Variants in PLD5 observed in about 807,000 individuals in gnomAD.
PLD5 encodes phospholipase D family member 5.
In PLD5, 36 loss-of-function variants were observed where a neutral mutation model predicts 61.1. That is an observed-to-expected ratio of 0.59 (90% confidence interval 0.45 to 0.78). The LOEUF is 0.78. Ranked by LOEUF, PLD5 falls within the 30% of genes least tolerant of loss-of-function variation. The pLI is 0.00. For synonymous variants in PLD5, 243 were observed against 242.8 expected (o/e 1.00, Z -0.01); for missense variants, 515 against 644.4 (o/e 0.80, Z 2.17).
intron 6 of PLD5, among the ~76,000 whole-genome samples, chr1:242,118,724 G>A (rs78571169): frequency 0.016 from 2,442 of 152,260 alleles, 66 homozygotes; most frequent in African/African-American, 0.056. Context: ...AATGGCAGGT[G>A]CTCCAGCTCC....
chr1:242,103,544 C>T (rs139663799), intron 8 of PLD5, among the ~76,000 whole-genome samples: 25 of 152,288 alleles, frequency 1.6e-4, no homozygotes, highest in Non-Finnish European at 1.6e-4. Flanking sequence ...AATGCTGTTT[C>T]GGAGCTGAAT....
chr1:242,123,624 CACAG>C (rs1451693492), intron 6 of PLD5, among the ~76,000 whole-genome samples: 1 of 152,210 alleles, frequency 6.6e-6, no homozygotes, highest in Non-Finnish European at 1.5e-5. Flanking sequence ...CAAAAGCCAA[CACAG>C]ACAGGTGGAG....
In PLD5 at chr1:242,100,749, C is replaced by T. The variant is rs896334196; in HGVS notation, c.1273G>A (p.Ala425Thr). 3.1e-6 allele frequency: 5 copies of T among 1,613,424 alleles called. No homozygotes were observed. Among genetic ancestry groups the T allele is most frequent in the Admixed American group, 1.7e-5 (1 of 59,948 alleles). ...GTGTGATTCTTTTGTTCTTTTGTAGCACAAGCATTCTCTCTTTCCAGATCA... is the reference window on the plus strand; with the variant it reads ...GTGTGATTCTTTTGTTCTTTTGTAGTACAAGCATTCTCTCTTTCCAGATCA... ...FFDLERENAC[A>T]TKEQKNHTFP... Residue 425 changes from alanine to threonine, a missense_variant, in exon 9 of 10, where the codon GCT (alanine) becomes ACT (threonine). Ala to Thr is a moderately conservative substitution (Grantham distance 58, BLOSUM62 0). Transcript: ENST00000536534.
intron 2 of PLD5, among the ~76,000 whole-genome samples, chr1:242,338,431 T>C (rs1659650940): frequency 6.6e-6 from 1 of 151,978 alleles, no homozygotes; most frequent in African/African-American, 2.4e-5. Flanking sequence ...TTATCAGATA[T>C]GATTGTGCCC....
At chr1:242,104,303 T>A in intron 8 of PLD5, among the ~76,000 whole-genome samples, 1 of 151,686 alleles carries the variant, frequency 6.6e-6, no homozygotes, top group East Asian at 1.9e-4. Context: ...TTTGCTTTTT[T>A]TTTTTTTTTT....
At chr1:242,159,115 G>A (rs770611365) in intron 5 of PLD5, among the ~76,000 whole-genome samples, 8 of 151,962 alleles carry the variant, frequency 5.3e-5, no homozygotes, top group East Asian at 1.9e-4. Context: ...ATATTGATAC[G>A]CCCCATGACT....
intron 5 of PLD5, among the ~76,000 whole-genome samples, chr1:242,187,079 T>C (rs1338997349): frequency 6.6e-6 from 1 of 152,212 alleles, no homozygotes; most frequent in Non-Finnish European, 1.5e-5. Context: ...TGCCTATTGG[T>C]TGATCCAGCA....
intron 4 of PLD5, among the ~76,000 whole-genome samples, chr1:242,251,592 A>G (rs1246678935): frequency 6.6e-6 from 1 of 152,116 alleles, no homozygotes; most frequent in African/African-American, 2.4e-5. Flanking sequence ...GCACAGGGGT[A>G]GGACCAGTGG....
Position 242,394,887 on chromosome 1 carries a change from T to A in PLD5, c.190-46645A>T, listed in dbSNP as rs1277576263. Among the ~76,000 whole-genome samples the A allele has an allele frequency of 8.5e-4, 48 of 56,462 alleles. 4 individuals are homozygous for A. Among genetic ancestry groups the A allele is most frequent in the South Asian group, 2.0e-3 (4 of 2,032 alleles). 37.0% of individuals were successfully genotyped at this position (56,462 alleles called of 152,430 possible). On this transcript the variant is annotated intron_variant, in intron 1 of 9. Coordinates refer to ENST00000536534, the MANE Select transcript of PLD5 (RefSeq NM_001372062.1). ...ATATATGAATATATATGAATATATG[T>A]ATATATATGATTATATATGAATATA...
At chr1:242,206,426 A>G (rs1365494353) in intron 5 of PLD5, among the ~76,000 whole-genome samples, 1 of 152,228 alleles carries the variant, frequency 6.6e-6, no homozygotes, top group Non-Finnish European at 1.5e-5. Flanking sequence ...CCAACAGGAT[A>G]TGAATACATA....
chr1:242,427,666 T>G (rs945534811), intron 1 of PLD5, among the ~76,000 whole-genome samples: 17 of 152,232 alleles, frequency 1.1e-4, no homozygotes, highest in Non-Finnish European at 2.9e-5. Flanking sequence ...GTATTTATTC[T>G]TAGACCAGTC....
At position 242,314,497 on chromosome 1, in the gene PLD5, T is replaced by C. The variant is rs138063522; in HGVS notation, c.327-25967A>G. ...TTACAGGAACAAACTTGCCCAAGTG[T>C]CCTCTAGTTCCCTCCAGGAAAACTC... On this transcript the variant is annotated intron_variant, in intron 2 of 9. Coordinates refer to ENST00000536534, the MANE Select transcript of PLD5 (RefSeq NM_001372062.1). Among the ~76,000 whole-genome samples, 551 of 152,324 alleles carry C rather than the reference T, an allele frequency of 3.6e-3. 3 individuals carry two copies. The highest frequency in any genetic ancestry group is 0.013 in the African/African-American group (527 of 41,580).
chr1:242,119,597 C>T (rs537756868), intron 6 of PLD5, among the ~76,000 whole-genome samples: 8 of 152,184 alleles, frequency 5.3e-5, no homozygotes, highest in South Asian at 4.1e-4. Flanking sequence ...CCGATAAGCA[C>T]GTTAGAAGAT....
At chr1:242,486,136 A>G (rs1188856194) in intron 1 of PLD5, among the ~76,000 whole-genome samples, 3 of 152,124 alleles carry the variant, frequency 2.0e-5, no homozygotes, top group Non-Finnish European at 4.4e-5. Context: ...AGGCAATACC[A>G]TTCAGGACAT....
intron 1 of PLD5, among the ~76,000 whole-genome samples, chr1:242,351,080 TA>T (rs1346848597): frequency 6.6e-5 from 10 of 152,078 alleles, no homozygotes; most frequent in Non-Finnish European, 1.3e-4. Flanking sequence ...TTTATATTTT[TA>T]GTAGAGATGG....
chr1:242,162,788 TAGAC>T (rs1288619406), intron 5 of PLD5, among the ~76,000 whole-genome samples: 2 of 152,202 alleles, frequency 1.3e-5, no homozygotes, highest in South Asian at 2.1e-4. Context: ...TAAATTAGAA[TAGAC>T]AGACAGCTCC....
At chr1:242,204,795 C>T (rs924057750) in intron 5 of PLD5, among the ~76,000 whole-genome samples, 1 of 152,068 alleles carries the variant, frequency 6.6e-6, no homozygotes, top group African/African-American at 2.4e-5. Context: ...GGTCATATAA[C>T]GATTAAGGAG....
At chr1:242,120,168 G>C (rs1442652238) in intron 6 of PLD5, among the ~76,000 whole-genome samples, 2 of 152,176 alleles carry the variant, frequency 1.3e-5, no homozygotes, top group Non-Finnish European at 2.9e-5. Flanking sequence ...CAGGGACTGA[G>C]AGAAGGGAAA....
intron 4 of PLD5, among the ~76,000 whole-genome samples, chr1:242,231,723 C>T (rs890841330): frequency 6.6e-6 from 1 of 151,968 alleles, no homozygotes; most frequent in Non-Finnish European, 1.5e-5. Context: ...AAATCCAAAA[C>T]AATAATTCAA....
Sources: gnomAD v4.1 joint callset for allele counts (sites outside exome capture counted in the v4.1 genomes callset) on GRCh38, gnomAD v4.1.1 for gene constraint, MANE v1.5 for transcripts, NCBI Gene and HGNC (gene_info 2026-07-23, HGNC 2026-07-21) for gene names.